Variants in RHCE observed in about 807,000 individuals in gnomAD.
RHCE encodes the protein Rh blood group CcEe antigens.
In RHCE, 22 loss-of-function variants were observed where a neutral mutation model predicts 43.8. The observed-to-expected ratio is 0.50, with a 90% confidence interval of 0.36 to 0.72. The LOEUF (loss-of-function observed/expected upper bound fraction) is 0.72, where lower values mean the gene tolerates loss of function less well. Among genes scored for constraint, RHCE ranks in the 30% least tolerant of loss-of-function variants. The pLI, the probability that RHCE is intolerant of heterozygous loss-of-function variation, is 0.00. For synonymous variants in RHCE, 156 were observed against 210.7 expected (o/e 0.74, Z 2.25); for missense variants, 385 against 525.4 (o/e 0.73, Z 2.61).
At chr1:25,379,124 G>A (rs1438735916) in intron 7 of RHCE, among the ~76,000 whole-genome samples, 1 of 152,142 alleles carries the variant, frequency 6.6e-6, no homozygotes, top group East Asian at 1.9e-4. Context: ...AAGTCTAAGA[G>A]CATGCTGCTG....
At chr1:25,412,343 G>A (rs1647107285) in intron 1 of RHCE, among the ~76,000 whole-genome samples, 1 of 152,126 alleles carries the variant, frequency 6.6e-6, no homozygotes, top group African/African-American at 2.4e-5. Context: ...TTACAGCTCT[G>A]GAATATTCCA....
chr1:25,423,307 A>AGCTT (rs1337180603), upstream of RHCE, among the ~76,000 whole-genome samples: 1 of 152,176 alleles, frequency 6.6e-6, no homozygotes, highest in Admixed American at 6.5e-5. Context: ...GCCCAGTACA[A>AGCTT]GCTCTGTAAA....
intron 7 of RHCE, among the ~76,000 whole-genome samples, chr1:25,375,791 C>T (rs1442669013): frequency 8.1e-6 from 1 of 123,470 alleles, no homozygotes; most frequent in African/African-American, 4.0e-5. Context: ...CTCTCTCTCT[C>T]TTTTTTTTTT....
chr1:25,374,090 G>A (rs566551380), intron 8 of RHCE, among the ~76,000 whole-genome samples: 1 of 150,992 alleles, frequency 6.6e-6, no homozygotes, highest in African/African-American at 2.5e-5. Flanking sequence ...CAAAGTGCTG[G>A]GATTACAGGC....
At chr1:25,411,504 C>G in intron 1 of RHCE, 1 of 1,520,482 alleles carries the variant, frequency 6.6e-7, no homozygotes, top group Middle Eastern at 1.8e-4. Context: ...AGGGAGGACA[C>G]TGACATTTCC....
At chr1:25,414,114 C>T (rs1012425551) in intron 1 of RHCE, among the ~76,000 whole-genome samples, 12 of 151,970 alleles carry the variant, frequency 7.9e-5, no homozygotes, top group Non-Finnish European at 1.8e-4. Context: ...ACTGTTACCC[C>T]GTGCCGGCCG....
intron 1 of RHCE, among the ~76,000 whole-genome samples, chr1:25,418,080 G>A (rs971073539): frequency 4.6e-5 from 7 of 152,168 alleles, no homozygotes; most frequent in Non-Finnish European, 8.8e-5. Context: ...CCAGGCTGGA[G>A]TGCAGTGGCG....
chr1:25,388,898 T>A, intron 6 of RHCE, 78 bp downstream of exon 6: 1 of 1,610,452 alleles, frequency 6.2e-7, no homozygotes, highest in African/African-American at 1.3e-5. Flanking sequence ...AGCTGTGCAC[T>A]GCACAGTGGC....
chr1:25,397,315 G>T (rs1571883646), intron 3 of RHCE, among the ~76,000 whole-genome samples: 1 of 149,546 alleles, frequency 6.7e-6, no homozygotes, highest in East Asian at 2.0e-4. Flanking sequence ...TGGCCAACAT[G>T]GCAAAACTCC....
chr1:25,397,042 G>A (rs1442028035), intron 3 of RHCE, among the ~76,000 whole-genome samples: 1 of 146,174 alleles, frequency 6.8e-6, no homozygotes, highest in Non-Finnish European at 1.5e-5. Context: ...AATCCAGGAG[G>A]CGGAGGTTGC....
chr1:25,411,485 G>C (rs1571912377), intron 1 of RHCE: 1 of 1,544,242 alleles, frequency 6.5e-7, no homozygotes, highest in South Asian at 1.2e-5. Flanking sequence ...GGGTCTGCCA[G>C]AGAGGACAAG....
intron 3 of RHCE, among the ~76,000 whole-genome samples, chr1:25,394,746 T>C (rs956709931): frequency 6.6e-6 from 1 of 152,220 alleles, no homozygotes; most frequent in Non-Finnish European, 1.5e-5. Flanking sequence ...GGAAAGTCTA[T>C]GCAGTTTCCT....
At chr1:25,385,456 T>C in intron 7 of RHCE, 1 of 562,346 alleles carries the variant, frequency 1.8e-6, no homozygotes, top group Admixed American at 2.3e-5. Flanking sequence ...GTTTGTGGGG[T>C]CACAGAAGAT....
intron 5 of RHCE, among the ~76,000 whole-genome samples, chr1:25,390,300 A>G (rs2124420288): frequency 6.6e-6 from 1 of 152,344 alleles, no homozygotes; most frequent in South Asian, 2.1e-4. Context: ...CTGAGACTCA[A>G]AACGTTGAAG....
At chr1:25,379,476 TATATATATATATATATATA>T (rs1163878974) in intron 7 of RHCE, among the ~76,000 whole-genome samples, 12 of 8,314 alleles carry the variant, frequency 1.4e-3, no homozygotes, top group African/African-American at 6.3e-3. Flanking sequence ...TATATATATA[TATATATATATATATATATA>T]TTTTTTTTTT....
intron 2 of RHCE, 151 bp downstream of exon 2, chr1:25,408,532 A>G (rs1163954641): frequency 1.5e-6 from 1 of 686,016 alleles, no homozygotes; most frequent in Non-Finnish European, 2.2e-6. Flanking sequence ...ATTTTAAACA[A>G]TGAATAATCT....
upstream of RHCE, chr1:25,420,877 G>T: frequency 1.3e-6 from 2 of 1,555,208 alleles, no homozygotes; most frequent in Non-Finnish European, 1.7e-6. Context: ...AGCGATAGGG[G>T]AGACACCCGC....
At chr1:25,385,463 A>C (rs1646124122) in intron 7 of RHCE, 1 of 584,112 alleles carries the variant, frequency 1.7e-6, no homozygotes, top group Non-Finnish European at 3.1e-6. Flanking sequence ...GGGTCACAGA[A>C]GATTTCGTGT....
At chr1:25,414,918 G>A (rs1647264653) in intron 1 of RHCE, among the ~76,000 whole-genome samples, 1 of 152,156 alleles carries the variant, frequency 6.6e-6, no homozygotes, top group African/African-American at 2.4e-5. Context: ...AAATTAAAAG[G>A]TTGCTATTTT....
Sources: allele counts gnomAD v4.1 joint callset (sites outside exome capture counted in the v4.1 genomes callset), GRCh38; gene constraint gnomAD v4.1.1; transcripts MANE v1.5; gene names NCBI Gene and HGNC (gene_info 2026-07-23, HGNC 2026-07-21).